PARP4: variants seen among roughly 807,000 people sequenced by gnomAD.
The protein encoded by PARP4 is protein mono-ADP-ribosyltransferase PARP4.
A neutral mutation model predicts 187.7 loss-of-function variants in PARP4; 120 were observed. The ratio of observed to expected loss-of-function variants is 0.64; its 90% CI spans 0.55 to 0.74. PARP4 has a LOEUF of 0.74. PARP4 is among the 30% of genes least tolerant of loss of function. The pLI is 0.00. For synonymous variants in PARP4, 654 were observed against 740.9 expected, an observed-to-expected ratio of 0.88 and a Z score of 1.90; for missense variants, 1,836 against 2,070.5, an observed-to-expected ratio of 0.89 and a Z score of 2.20.
At chr13:24,481,296 G>A (rs186708753) in intron 12 of PARP4, among the ~76,000 whole-genome samples, 15 of 152,376 alleles carry the variant, frequency 9.8e-5, no homozygotes, top group African/African-American at 3.6e-4. Flanking sequence ...AGCTCTGATG[G>A]AGAGGTACAA....
intron 1 of PARP4, among the ~76,000 whole-genome samples, chr13:24,510,553 C>CAAAAAAAAAAAAAAAAAA (rs61708412): frequency 3.6e-4 from 32 of 89,244 alleles, no homozygotes; most frequent in African/African-American, 1.5e-3. Flanking sequence ...GACTCCGTCT[C>CAAAAAAAAAAAAAAAAAA]AAAAAAAAAA....
At chr13:24,431,566 T>C (rs1027151734) in intron 31 of PARP4, 90 bp from the exon 32 acceptor site, 4 of 805,916 alleles carry the variant, frequency 5.0e-6, no homozygotes, top group Non-Finnish European at 8.3e-6. Context: ...GGGGCAAGGG[T>C]TGAAAAACAT....
chr13:24,506,909 G>A (rs1212959003), intron 1 of PARP4, among the ~76,000 whole-genome samples: 1 of 152,222 alleles, frequency 6.6e-6, no homozygotes, highest in Non-Finnish European at 1.5e-5. Context: ...ACTGAGGCGG[G>A]AGAGCTCAGA....
At chr13:24,460,493 T>C (rs750770) in intron 17 of PARP4, among the ~76,000 whole-genome samples, 45,170 of 111,644 alleles carry the variant, frequency 0.4, 7,484 homozygotes, top group South Asian at 0.49. Flanking sequence ...CTCTGCTGCA[T>C]GGGTGGGCTC....
chr13:24,429,143 A>G (rs556511463), intron 32 of PARP4, among the ~76,000 whole-genome samples: 6 of 152,206 alleles, frequency 3.9e-5, no homozygotes, highest in South Asian at 2.1e-4. Context: ...TGCAGATACT[A>G]TATTTTCCAG....
chr13:24,512,062 T>C (rs776895849), intron 1 of PARP4, among the ~76,000 whole-genome samples: 6 of 152,316 alleles, frequency 3.9e-5, no homozygotes, highest in African/African-American at 1.4e-4. Flanking sequence ...GATATTGTCA[T>C]ATAATTGTTG....
intron 12 of PARP4, among the ~76,000 whole-genome samples, chr13:24,481,856 G>T (rs1253554483): frequency 2.0e-5 from 3 of 152,118 alleles, no homozygotes; most frequent in Non-Finnish European, 4.4e-5. Flanking sequence ...AATGGATCAA[G>T]ACCCCAACTC....
intron 15 of PARP4, among the ~76,000 whole-genome samples, chr13:24,470,684 CAAT>C (rs1593624686): frequency 6.6e-6 from 1 of 151,882 alleles, no homozygotes; most frequent in Non-Finnish European, 1.5e-5. Flanking sequence ...AAACATGTGA[CAAT>C]AATAAGGCAA....
At chr13:24,447,259 A>T in intron 25 of PARP4, 73 bp from the exon 26 acceptor site, 2 of 1,138,114 alleles carry the variant, frequency 1.8e-6, no homozygotes, top group Middle Eastern at 2.8e-4. Flanking sequence ...TTTAAAATAA[A>T]GTATACATTC....
chr13:24,492,607 C>A lies in PARP4; in HGVS notation c.880-13G>T. 6.2e-7 allele frequency: 1 copy of A among 1,600,630 alleles called. No individual in the cohort carries two copies. The highest frequency in any genetic ancestry group is 8.5e-7 in the Non-Finnish European group (1 of 1,170,624). On this transcript the variant is annotated splice_polypyrimidine_tract_variant and intron_variant, in intron 8 of 33. Transcript: ENST00000381989. ...CTGCCTTGCTCACCTTTCAACAGAT[C>A]ATATATGCTTATTACAATGAAATCT...
intron 3 of PARP4, 78 bp from the exon 4 acceptor site, chr13:24,500,460 G>A (rs1175395097): frequency 2.3e-6 from 2 of 877,976 alleles, no homozygotes; most frequent in Non-Finnish European, 3.6e-6. Flanking sequence ...TGCTGGAATT[G>A]TTAAGATTCA....
chr13:24,493,737 C>G lies in PARP4; in HGVS notation c.742-4G>C. 6.2e-7 allele frequency: 1 copy of G among 1,612,930 alleles called. No homozygotes were observed. Among genetic ancestry groups the G allele is most frequent in the South Asian group, 1.1e-5 (1 of 90,896 alleles). ...TCATGACTTCCTCCAAAAGCAACTA[C>G]AATAATAAAATAGAAATGCCACCAA... On this transcript the variant is annotated splice_polypyrimidine_tract_variant and splice_region_variant and intron_variant, in intron 7 of 33. Coordinates refer to ENST00000381989, the MANE Select transcript of PARP4 (RefSeq NM_006437.4).
chr13:24,453,890 G>GT (rs1430058164), intron 22 of PARP4, among the ~76,000 whole-genome samples: 1 of 152,162 alleles, frequency 6.6e-6, no homozygotes. Flanking sequence ...CGAGGTGGGT[G>GT]TATCACCTGA....
At position 24,459,062 on chromosome 13, in the gene PARP4, T is replaced by A. The variant is rs1130941; in HGVS notation, c.2406A>T (p.Thr802=). 174,418 of 1,596,432 alleles carry A rather than the reference T, an allele frequency of 0.11. 10,369 individuals carry two copies. The highest frequency in any genetic ancestry group is 0.15 in the African/African-American group (11,308 of 74,488). ...PYVIEFIFSD[T]HELKQKRTDC... ...CACTAACCTTTTGTTTCAGTTCATG[T>A]GTATCACTGAAAATGAATTCAATCA... The change falls in exon 20 of 34, where the codon ACA becomes ACT. Residue 802 remains threonine (T), a synonymous_variant. Coordinates refer to ENST00000381989, the MANE Select transcript of PARP4 (RefSeq NM_006437.4).
At chr13:24,505,772 G>A (rs1310731036) in intron 1 of PARP4, among the ~76,000 whole-genome samples, 1 of 152,196 alleles carries the variant, frequency 6.6e-6, no homozygotes, top group Admixed American at 6.5e-5. Context: ...AAAACAAGGA[G>A]TCACGTCTAA....
intron 23 of PARP4, 73 bp from the exon 24 acceptor site, chr13:24,452,666 A>ATC: frequency 8.2e-7 from 1 of 1,217,542 alleles, no homozygotes; most frequent in Non-Finnish European, 1.2e-6. Context: ...TCATTGACAC[A>ATC]TCTAAGGACA....
intron 15 of PARP4, among the ~76,000 whole-genome samples, chr13:24,471,010 G>A (rs911338860): frequency 6.6e-6 from 1 of 152,182 alleles, no homozygotes; most frequent in African/African-American, 2.4e-5. Context: ...CCAAGAGGAG[G>A]CAAACGTGCG....
intron 3 of PARP4, among the ~76,000 whole-genome samples, chr13:24,501,216 T>A (rs1402496639): frequency 2.0e-5 from 3 of 152,234 alleles, no homozygotes; most frequent in Non-Finnish European, 2.9e-5. Flanking sequence ...GTTTCCAAAA[T>A]AAAATCTTGG....
At chr13:24,510,003 A>G (rs778033604) in intron 1 of PARP4, among the ~76,000 whole-genome samples, 24 of 151,960 alleles carry the variant, frequency 1.6e-4, no homozygotes, top group Non-Finnish European at 2.8e-4. Flanking sequence ...CCTAGCCCCC[A>G]CTGTTGATAT....
Sources: allele counts gnomAD v4.1 joint callset (sites outside exome capture counted in the v4.1 genomes callset), GRCh38; gene constraint gnomAD v4.1.1; transcripts MANE v1.5; gene names NCBI Gene and HGNC (gene_info 2026-07-23, HGNC 2026-07-21).